PEX13: variants seen among roughly 807,000 people sequenced by gnomAD.
PEX13 encodes the protein peroxisomal biogenesis factor 13.
Under a neutral mutation model 34.5 loss-of-function variants are expected in PEX13, and 28 were observed. The ratio of observed to expected loss-of-function variants is 0.81; its 90% CI spans 0.60 to 1.11. The LOEUF (loss-of-function observed/expected upper bound fraction) is 1.11. PEX13 is among the 50% of genes most tolerant of loss of function. The probability of loss-of-function intolerance (pLI) is 0.00; values close to 1 mark genes in which losing one functional copy is unlikely to be tolerated. For synonymous variants in PEX13, 177 were observed against 175.1 expected, an observed-to-expected ratio of 1.01 and a Z score of -0.09; for missense variants, 550 against 491.0, an observed-to-expected ratio of 1.12 and a Z score of -1.13.
intron 1 of PEX13, among the ~76,000 whole-genome samples, chr2:61,022,184 G>A (rs1279199812): frequency 1.3e-5 from 2 of 152,170 alleles, no homozygotes; most frequent in Non-Finnish European, 2.9e-5. Context: ...TGACTTTGAC[G>A]AGTTGACAGA....
intron 2 of PEX13, among the ~76,000 whole-genome samples, chr2:61,040,609 G>A (rs893306324): frequency 6.6e-6 from 1 of 151,754 alleles, no homozygotes; most frequent in African/African-American, 2.4e-5. Context: ...CTTGGAGATG[G>A]GTAGCATTAG....
intron 1 of PEX13, among the ~76,000 whole-genome samples, chr2:61,028,675 C>G (rs991923645): frequency 2.0e-5 from 3 of 150,200 alleles, no homozygotes; most frequent in Non-Finnish European, 4.4e-5. Context: ...GCATGAGCCA[C>G]CATGCCTGGG....
rs143349059 is a variant in PEX13 at position 61,023,831 on chromosome 2, C to G, written c.92+5980C>G. On this transcript the variant is annotated intron_variant, in intron 1 of 3. Transcript: ENST00000295030. Reference sequence around the variant, plus strand: ...TGTTTGTTTTGAAATAAGTTTCACTCTGTCACCAGGCTGGAGTGTGGTGAC... The same window carrying G: ...TGTTTGTTTTGAAATAAGTTTCACTGTGTCACCAGGCTGGAGTGTGGTGAC... Among the ~76,000 whole-genome samples the G allele has an allele frequency of 7.9e-4, 119 of 149,924 alleles. 2 individuals are homozygous for G. In the East Asian group the frequency reaches 0.02, roughly 26 times the overall value.
chr2:61,046,117 A>G (rs761579432), intron 3 of PEX13, among the ~76,000 whole-genome samples: 1 of 152,206 alleles, frequency 6.6e-6, no homozygotes, highest in Non-Finnish European at 1.5e-5. Flanking sequence ...TTGAATTTCA[A>G]ACTGTTAATC....
At chr2:61,037,253 C>T (rs773915780) in intron 2 of PEX13, among the ~76,000 whole-genome samples, 4 of 152,186 alleles carry the variant, frequency 2.6e-5, no homozygotes, top group Admixed American at 1.3e-4. Context: ...TTGAACTCAC[C>T]TCTGGACCCA....
chr2:61,045,676 G>T (rs1269955940), intron 2 of PEX13, 50 bp from the exon 3 acceptor site: 2 of 1,567,026 alleles, frequency 1.3e-6, no homozygotes, highest in East Asian at 2.2e-5. Flanking sequence ...TGAAATATCT[G>T]CATTTTTCTT....
intron 1 of PEX13, among the ~76,000 whole-genome samples, chr2:61,024,013 T>C (rs539827625): frequency 7.2e-5 from 11 of 152,232 alleles, no homozygotes; most frequent in Admixed American, 2.6e-4. Context: ...CCAAGGCCGA[T>C]CTTAAATTCC....
intron 1 of PEX13, 138 bp downstream of exon 1, chr2:61,017,989 G>C: frequency 7.6e-7 from 1 of 1,319,102 alleles, no homozygotes; most frequent in Non-Finnish European, 1.0e-6. Context: ...AGGGGCCGAG[G>C]TGGAGCTGGG....
chr2:61,042,787 G>A (rs68180594), intron 2 of PEX13, among the ~76,000 whole-genome samples: 28,587 of 152,174 alleles, frequency 0.19, 2,953 homozygotes, highest in Middle Eastern at 0.31. Flanking sequence ...TATGTCCAGA[G>A]AAAGTAAACT....
intron 1 of PEX13, among the ~76,000 whole-genome samples, chr2:61,023,302 G>T (rs1680294108): frequency 6.6e-6 from 1 of 151,844 alleles, no homozygotes. Flanking sequence ...ATCTCACCTG[G>T]CCTAATTCAT....
At chr2:61,046,398 G>A (rs1458858375) in intron 3 of PEX13, among the ~76,000 whole-genome samples, 1 of 152,116 alleles carries the variant, frequency 6.6e-6, no homozygotes, top group Admixed American at 6.6e-5. Context: ...TAGGCAAAAT[G>A]ACCTTTTCCT....
At chr2:61,022,152 C>G (rs545754647) in intron 1 of PEX13, among the ~76,000 whole-genome samples, 3 of 152,168 alleles carry the variant, frequency 2.0e-5, no homozygotes, top group Non-Finnish European at 4.4e-5. Context: ...TTGCCAGCAA[C>G]GGAACAAAGC....
Position 61,034,704 on chromosome 2 carries a change from A to G in PEX13, c.787+2591A>G, listed in dbSNP as rs552883572. On this transcript the variant is annotated intron_variant, in intron 2 of 3. Coordinates refer to ENST00000295030, the MANE Select transcript of PEX13 (RefSeq NM_002618.4). ...CCATGCCCACGGAGCCTTGCTCACT[A>G]CTAGTGCAGCAGTCTGAGATCAACC... Among the ~76,000 whole-genome samples, 9 of 152,286 alleles carry G rather than the reference A, an allele frequency of 5.9e-5. 1 individual carries two copies. The South Asian group carries it at 1.9e-3, about 32-fold the overall frequency.
At chr2:61,033,467 A>T (rs1001141715) in intron 2 of PEX13, among the ~76,000 whole-genome samples, 1 of 152,226 alleles carries the variant, frequency 6.6e-6, no homozygotes, top group African/African-American at 2.4e-5. Context: ...TTGGGTGCCA[A>T]CTACATACCA....
Position 61,048,806 on chromosome 2 carries a change from T to C in PEX13, c.*36T>C, listed in dbSNP as rs1319665986. Reference sequence around the variant, plus strand: ...GTTTGCCTGCAGTTGAACAATACTTTAGAGTACTTTTTAAAATTATTTCTC... The same window carrying C: ...GTTTGCCTGCAGTTGAACAATACTTCAGAGTACTTTTTAAAATTATTTCTC... On this transcript the variant is annotated 3_prime_UTR_variant, in exon 4 of 4. Coordinates refer to ENST00000295030, the MANE Select transcript of PEX13 (RefSeq NM_002618.4). 5.4e-6 allele frequency: 8 copies of C among 1,493,400 alleles called. No homozygotes were observed. The highest frequency in any genetic ancestry group is 4.6e-5 in the South Asian group (4 of 87,554). 92.5% of individuals were successfully genotyped at this position (1,493,400 alleles called of 1,614,324 possible). A position where few individuals can be genotyped will look rare whatever the true frequency, so the allele number is the denominator to read the frequency against.
At chr2:61,020,234 A>G (rs887140788) in intron 1 of PEX13, among the ~76,000 whole-genome samples, 1 of 152,132 alleles carries the variant, frequency 6.6e-6, no homozygotes, top group African/African-American at 2.4e-5. Context: ...TCAAACAACA[A>G]CAACAACAAA....
intron 2 of PEX13, among the ~76,000 whole-genome samples, chr2:61,044,026 T>G (rs952536683): frequency 5.9e-5 from 9 of 151,996 alleles, no homozygotes; most frequent in Non-Finnish European, 1.3e-4. Context: ...CATAGCTCAC[T>G]GCAACCTCAC....
chr2:61,025,641 G>T (rs1680341828), intron 1 of PEX13, among the ~76,000 whole-genome samples: 1 of 152,118 alleles, frequency 6.6e-6, no homozygotes, highest in African/African-American at 2.4e-5. Context: ...TTATAGGAGT[G>T]AGCCACCATG....
intron 1 of PEX13, 63 bp from the exon 2 acceptor site, chr2:61,031,356 A>T: frequency 8.3e-7 from 1 of 1,205,046 alleles, no homozygotes; most frequent in Non-Finnish European, 1.2e-6. Context: ...GATGTTTAAT[A>T]CTTACTTTGA....
Sources: allele counts gnomAD v4.1 joint callset (sites outside exome capture counted in the v4.1 genomes callset), GRCh38; gene constraint gnomAD v4.1.1; transcripts MANE v1.5; gene names NCBI Gene and HGNC (gene_info 2026-07-23, HGNC 2026-07-21).